Variants in SHANK2 observed in about 807,000 individuals in gnomAD.
SHANK2 encodes SH3 and multiple ankyrin repeat domains 2.
SHANK2 carries 43 observed loss-of-function variants against 133.7 expected under a neutral mutation model. The ratio of observed to expected loss-of-function variants is 0.32; its 90% CI spans 0.25 to 0.41. The LOEUF is 0.41. SHANK2 is among the 10% of genes least tolerant of loss of function. The pLI is 1.00. For missense variants in SHANK2, 1,994 were observed against 2,235.8 expected (o/e 0.89, Z 2.18); for synonymous variants, 1,017 against 952.8 (o/e 1.07, Z -1.24).
At chr11:70,475,428 G>C (rs529149902) in intron 25 of SHANK2, among the ~76,000 whole-genome samples, 37 of 152,306 alleles carry the variant, frequency 2.4e-4, no homozygotes, top group African/African-American at 8.9e-4. Flanking sequence ...GAGTGACCTG[G>C]AGACGGGCCC....
At chr11:70,558,710 G>A (rs1366241323) in intron 17 of SHANK2, among the ~76,000 whole-genome samples, 3 of 152,148 alleles carry the variant, frequency 2.0e-5, no homozygotes, top group Admixed American at 2.0e-4. Flanking sequence ...GGCACTGGGT[G>A]AGTGAACCGA....
At chr11:71,146,738 C>T (rs1952655724) in intron 3 of SHANK2, among the ~76,000 whole-genome samples, 1 of 152,144 alleles carries the variant, frequency 6.6e-6, no homozygotes, top group Non-Finnish European at 1.5e-5. Flanking sequence ...GGCCTGAGAG[C>T]CTCCTGCACT....
chr11:70,595,755 T>C (rs1554989353), intron 17 of SHANK2, among the ~76,000 whole-genome samples: 1 of 152,174 alleles, frequency 6.6e-6, no homozygotes, highest in African/African-American at 2.4e-5. Context: ...CACCCAGAAG[T>C]GGACTTCACC....
chr11:70,874,668 A>C (rs1949527352), intron 11 of SHANK2, among the ~76,000 whole-genome samples: 1 of 123,704 alleles, frequency 8.1e-6, no homozygotes, highest in African/African-American at 3.1e-5. Context: ...GCATATCTGC[A>C]TTTACTAAAA....
intron 17 of SHANK2, among the ~76,000 whole-genome samples, chr11:70,627,219 C>G (rs2060917178): frequency 6.6e-6 from 1 of 152,222 alleles, no homozygotes; most frequent in South Asian, 2.1e-4. Context: ...TCTCCACCCT[C>G]CTGAAGTTAG....
At chr11:71,162,199 T>C (rs1360935514) in intron 2 of SHANK2, among the ~76,000 whole-genome samples, 16 of 152,240 alleles carry the variant, frequency 1.1e-4, no homozygotes, top group Admixed American at 7.9e-4. Context: ...AAAAGAAGTA[T>C]ATTTCTTACA....
intron 17 of SHANK2, among the ~76,000 whole-genome samples, chr11:70,619,145 G>C (rs1379640773): frequency 1.3e-5 from 2 of 152,198 alleles, no homozygotes; most frequent in African/African-American, 4.8e-5. Context: ...CATCATTTCA[G>C]CCTGACAACC....
intron 8 of SHANK2, among the ~76,000 whole-genome samples, chr11:71,091,739 C>T (rs975221841): frequency 7.9e-5 from 12 of 152,130 alleles, no homozygotes; most frequent in Admixed American, 2.0e-4. Flanking sequence ...CATGGGCCTG[C>T]GGGCCCCCTC....
At chr11:70,619,962 C>T (rs1554997160) in intron 17 of SHANK2, among the ~76,000 whole-genome samples, 1 of 152,150 alleles carries the variant, frequency 6.6e-6, no homozygotes, top group African/African-American at 2.4e-5. Context: ...TTAAAAGAGC[C>T]ACAAAGTACC....
intron 11 of SHANK2, among the ~76,000 whole-genome samples, chr11:70,877,306 G>T (rs781978925): frequency 1.3e-5 from 2 of 152,226 alleles, no homozygotes; most frequent in African/African-American, 4.8e-5. Flanking sequence ...ACCCTATGCC[G>T]ATGGCCAGCC....
At chr11:71,085,608 T>A (rs1347690318) in intron 8 of SHANK2, among the ~76,000 whole-genome samples, 3 of 80,400 alleles carry the variant, frequency 3.7e-5, no homozygotes, top group African/African-American at 1.6e-4. Flanking sequence ...ATATATTAAA[T>A]ATATATTATA....
At chr11:71,248,290 T>TG (rs1205034161) in intron 1 of SHANK2, among the ~76,000 whole-genome samples, 3 of 152,178 alleles carry the variant, frequency 2.0e-5, no homozygotes, top group Admixed American at 1.3e-4. Context: ...ATGGAAAACG[T>TG]GGGGCACATC....
intron 3 of SHANK2, among the ~76,000 whole-genome samples, chr11:71,121,896 T>C (rs1378782702): frequency 6.6e-6 from 1 of 152,108 alleles, no homozygotes; most frequent in African/African-American, 2.4e-5. Context: ...CATGAAAAAA[T>C]GCTCATCATC....
chr11:70,751,033 AT>A (rs1298020166), intron 14 of SHANK2, among the ~76,000 whole-genome samples: 1 of 152,230 alleles, frequency 6.6e-6, no homozygotes, highest in African/African-American at 2.4e-5. Flanking sequence ...AACGGAAACA[AT>A]ACAAATGAAA....
intron 10 of SHANK2, among the ~76,000 whole-genome samples, chr11:70,940,243 C>CCCTCCCTCCCTTCT (rs1555084179): frequency 1.8e-4 from 1 of 5,470 alleles, no homozygotes; most frequent in Non-Finnish European, 4.3e-4. Context: ...TCTTCTCTCT[C>CCCTCCCTCCCTTCT]TCTCTCTCTC....
At chr11:70,728,650 C>T (rs144864999) in intron 14 of SHANK2, among the ~76,000 whole-genome samples, 233 of 152,334 alleles carry the variant, frequency 1.5e-3, no homozygotes, top group African/African-American at 5.2e-3. Flanking sequence ...CAAATACGCA[C>T]GCCCAGAACA....
intron 2 of SHANK2, among the ~76,000 whole-genome samples, chr11:71,187,933 C>A (rs1555114749): frequency 1.3e-5 from 2 of 152,194 alleles, no homozygotes; most frequent in Non-Finnish European, 2.9e-5. Context: ...GCCTTCCCTG[C>A]ACTGTCCTTG....
chr11:71,180,684 C>T (rs1196149510), intron 2 of SHANK2, among the ~76,000 whole-genome samples: 1 of 152,074 alleles, frequency 6.6e-6, no homozygotes, highest in Non-Finnish European at 1.5e-5. Flanking sequence ...TGTCAATCCA[C>T]GTAAGCCACA....
chr11:71,117,114 G>T lies in SHANK2; in HGVS notation c.411+1715C>A, dbSNP rs112046733. ...GGCTCACTGCAACCTCCACCTCCAGGGTTCAAGCAATTCTCCTGCCTCAGC... is the reference window on the plus strand; with the variant it reads ...GGCTCACTGCAACCTCCACCTCCAGTGTTCAAGCAATTCTCCTGCCTCAGC... On this transcript the variant is annotated intron_variant, in intron 4 of 25. Coordinates refer to ENST00000601538, the MANE Select transcript of SHANK2 (RefSeq NM_012309.5). Among the ~76,000 whole-genome samples the T allele has an allele frequency of 7.3e-3, 1,105 of 152,214 alleles. 14 individuals are homozygous for T. The highest frequency in any genetic ancestry group is 0.026 in the African/African-American group (1,066 of 41,512).
Sources: gnomAD v4.1 joint callset for allele counts (sites outside exome capture counted in the v4.1 genomes callset) on GRCh38, gnomAD v4.1.1 for gene constraint, MANE v1.5 for transcripts, NCBI Gene and HGNC (gene_info 2026-07-23, HGNC 2026-07-21) for gene names.